RTKN2: variants seen among roughly 807,000 people sequenced by gnomAD.
RTKN2 encodes the protein rhotekin-2.
RTKN2 carries 69 observed loss-of-function variants against 71.5 expected under a neutral mutation model. The observed-to-expected ratio is 0.96, with a 90% CI of 0.79 to 1.18. The LOEUF (loss-of-function observed/expected upper bound fraction) is 1.18. RTKN2 is among the 50% of genes most tolerant of loss of function. The pLI, the probability that RTKN2 is intolerant of heterozygous loss-of-function variation, is 0.00. For synonymous variants in RTKN2, 236 were observed against 236.5 expected, an observed-to-expected ratio of 1.00 and a Z score of 0.02; for missense variants, 724 against 719.7, an observed-to-expected ratio of 1.01 and a Z score of -0.07.
chr10:62,202,284 A>G (rs72835168), intron 10 of RTKN2, among the ~76,000 whole-genome samples: 9 of 152,248 alleles, frequency 5.9e-5, no homozygotes, highest in Non-Finnish European at 7.4e-5. Context: ...TTTCCTCCTG[A>G]GTTCTAATTA....
chr10:62,252,400 A>G (rs1842597842), intron 2 of RTKN2, among the ~76,000 whole-genome samples: 1 of 152,176 alleles, frequency 6.6e-6, no homozygotes, highest in Admixed American at 6.5e-5. Flanking sequence ...AACATGCAAG[A>G]AAGTGAAGGA....
At chr10:62,214,643 G>C (rs547459227) in intron 9 of RTKN2, among the ~76,000 whole-genome samples, 35 of 152,218 alleles carry the variant, frequency 2.3e-4, no homozygotes, top group African/African-American at 8.2e-4. Context: ...CAATAACACA[G>C]TTTTATTATA....
rs954166390 is a variant in RTKN2 at position 62,194,859 on chromosome 10, G to A, written c.*3049C>T. On this transcript the variant is annotated 3_prime_UTR_variant, in exon 12 of 12. Transcript: ENST00000373789. The stretch of plus-strand genomic sequence containing the variant: ...TAAGATCCCAAAGGGTAAAGATAAG[G>A]CATTTATAATAAATGGATTTAGTTT... 3 of 984,686 alleles carry A rather than the reference G, an allele frequency of 3.0e-6. No individual in the cohort carries two copies. The African/African-American group carries it at 5.2e-5, about 17-fold the overall frequency. The allele number at this position is 984,686 out of a possible 1,614,324, so 61.0% of individuals were successfully genotyped here. A position where few individuals can be genotyped will look rare whatever the true frequency, so the allele number is the denominator to read the frequency against.
At position 62,236,264 on chromosome 10, in the gene RTKN2, C is replaced by CATATAAAATGCTTCA; in HGVS notation, c.489-2_489-1insTGAAGCATTTTATAT. On this transcript the variant is annotated splice_acceptor_variant, in intron 5 of 11. Transcript: ENST00000373789. LOFTEE classifies it high-confidence loss of function. Reference sequence around the variant, plus strand: ...CTGAAAGTCTGGCCCTGCTTCATTACTAAAAACAAGGGCATTCATAATGTT... The same window carrying CATATAAAATGCTTCA: ...CTGAAAGTCTGGCCCTGCTTCATTACATATAAAATGCTTCATAAAAACAAGGGCATTCATAATGTT... 6.3e-7 allele frequency: 1 copy of CATATAAAATGCTTCA among 1,590,478 alleles called. No individual in the cohort carries two copies. Among genetic ancestry groups the CATATAAAATGCTTCA allele is most frequent in the Non-Finnish European group, 8.6e-7 (1 of 1,164,528 alleles).
intron 10 of RTKN2, among the ~76,000 whole-genome samples, chr10:62,203,772 G>A (rs549342939): frequency 3.3e-5 from 5 of 152,334 alleles, no homozygotes; most frequent in African/African-American, 1.2e-4. Context: ...AGGCCATGGA[G>A]GGAACCCTCT....
chr10:62,226,638 A>G (rs1842029478), intron 6 of RTKN2, among the ~76,000 whole-genome samples: 2 of 152,236 alleles, frequency 1.3e-5, no homozygotes, highest in Non-Finnish European at 2.9e-5. Context: ...AACAAATCTT[A>G]ACTGCTGCTA....
At chr10:62,211,085 T>C (rs1841649828) in intron 9 of RTKN2, among the ~76,000 whole-genome samples, 1 of 152,184 alleles carries the variant, frequency 6.6e-6, no homozygotes, top group Non-Finnish European at 1.5e-5. Flanking sequence ...AGAAAAGGCT[T>C]GATCTCAAAG....
At chr10:62,261,953 A>G (rs1191314589) in intron 2 of RTKN2, among the ~76,000 whole-genome samples, 1 of 152,222 alleles carries the variant, frequency 6.6e-6, no homozygotes, top group African/African-American at 2.4e-5. Flanking sequence ...AATTGAACCA[A>G]TTCTTAGGTT....
rs1354066328 is a variant in RTKN2, at chr10:62,195,601, G to GGGAAAGAA, written c.*2306_*2307insTTCTTTCC. ...AAGGAGGGAAGGAGAGACGGACAGA[G>GGGAAAGAA]GGAATGAAGGAAGGAAGGAAGGAAG... On this transcript the variant is annotated 3_prime_UTR_variant, in exon 12 of 12. Transcript: ENST00000373789. The GGGAAAGAA allele has an allele frequency of 1.9e-6, 1 of 522,768 alleles. No individual in the cohort carries two copies. Among genetic ancestry groups the GGGAAAGAA allele is most frequent in the African/African-American group, 2.5e-5 (1 of 39,286 alleles). The allele number at this position is 522,768 out of a possible 1,614,324, so 32.4% of individuals were successfully genotyped here.
At chr10:62,226,920 C>T (rs2132938530) in intron 6 of RTKN2, among the ~76,000 whole-genome samples, 1 of 152,294 alleles carries the variant, frequency 6.6e-6, no homozygotes, top group Admixed American at 6.5e-5. Flanking sequence ...AAGATCGTGC[C>T]ACTGCACTCC....
intron 7 of RTKN2, among the ~76,000 whole-genome samples, chr10:62,222,379 T>G (rs1408797837): frequency 6.6e-6 from 1 of 152,114 alleles, no homozygotes; most frequent in Non-Finnish European, 1.5e-5. Context: ...CCCAAAGAAC[T>G]GGGATTACAG....
chr10:62,219,274 C>A (rs1303151675), intron 7 of RTKN2, among the ~76,000 whole-genome samples: 2 of 152,020 alleles, frequency 1.3e-5, no homozygotes, highest in African/African-American at 4.8e-5. Context: ...GGGGCGCAGC[C>A]TAGATTTGGG....
intron 2 of RTKN2, among the ~76,000 whole-genome samples, chr10:62,251,054 T>C (rs987205539): frequency 6.6e-6 from 1 of 152,176 alleles, no homozygotes; most frequent in African/African-American, 2.4e-5. Flanking sequence ...CACCTGCTCA[T>C]TAGTCACTTA....
At chr10:62,219,408 TA>T (rs1444589335) in intron 7 of RTKN2, among the ~76,000 whole-genome samples, 1 of 152,152 alleles carries the variant, frequency 6.6e-6, no homozygotes, top group African/African-American at 2.4e-5. Context: ...GCATGATAAT[TA>T]AATGAAATGT....
At position 62,198,215 on chromosome 10, in the gene RTKN2, G is replaced by T. The variant is rs767859129; in HGVS notation, c.1523C>A (p.Pro508His). 1 of 1,614,026 alleles carries T rather than the reference G, an allele frequency of 6.2e-7. No homozygotes were observed. Among genetic ancestry groups the T allele is most frequent in the Admixed American group, 1.7e-5 (1 of 60,010 alleles). ...TAAGCTGAATGGAAGTTTATCAGAAGGAGGAAGGGGAGCTTGTCTCTTTTT... is the reference window on the plus strand; with the variant it reads ...TAAGCTGAATGGAAGTTTATCAGAATGAGGAAGGGGAGCTTGTCTCTTTTT... ...KGKKRQAPLPPSDKLPFSLKS... is the reference protein window; with the variant it reads ...KGKKRQAPLPHSDKLPFSLKS... Residue 508 changes from proline to histidine, a missense_variant, in exon 12 of 12, where the codon CCT becomes CAT. Coordinates refer to ENST00000373789, the MANE Select transcript of RTKN2 (RefSeq NM_145307.4).
At chr10:62,212,547 A>G (rs971943725) in intron 9 of RTKN2, among the ~76,000 whole-genome samples, 4 of 151,740 alleles carry the variant, frequency 2.6e-5, no homozygotes, top group African/African-American at 9.7e-5. Flanking sequence ...TACAAAAAAT[A>G]CAAAAATTAG....
At chr10:62,222,412 T>A (rs1272157026) in intron 7 of RTKN2, among the ~76,000 whole-genome samples, 2 of 151,952 alleles carry the variant, frequency 1.3e-5, no homozygotes, top group Non-Finnish European at 2.9e-5. Context: ...ACACCTAGCC[T>A]CATAATTATT....
intron 2 of RTKN2, among the ~76,000 whole-genome samples, chr10:62,248,207 A>T (rs938719645): frequency 5.3e-5 from 8 of 152,158 alleles, no homozygotes; most frequent in Non-Finnish European, 1.2e-4. Flanking sequence ...ATATAAATTC[A>T]ATTAACCATA....
chr10:62,209,059 C>T (rs1163811643), intron 9 of RTKN2, among the ~76,000 whole-genome samples: 8 of 152,226 alleles, frequency 5.3e-5, no homozygotes, highest in Admixed American at 3.3e-4. Flanking sequence ...CACTTGAGGT[C>T]GGGAGTTCGA....
Sources: gnomAD v4.1 joint callset for allele counts (sites outside exome capture counted in the v4.1 genomes callset) on GRCh38, gnomAD v4.1.1 for gene constraint, MANE v1.5 for transcripts, NCBI Gene and HGNC (gene_info 2026-07-23, HGNC 2026-07-21) for gene names.